Variants in ADK observed in about 807,000 individuals in gnomAD.
ADK encodes adenosine kinase.
A neutral mutation model predicts 44.7 loss-of-function variants in ADK; 24 were observed. That is an observed-to-expected ratio of 0.54 (90% confidence interval 0.39 to 0.76). The LOEUF (loss-of-function observed/expected upper bound fraction) is 0.76. Ranked by LOEUF, ADK falls within the 30% of genes least tolerant of loss-of-function variation. The pLI is 0.00. For missense variants in ADK, 321 were observed against 425.1 expected, an observed-to-expected ratio of 0.76 and a Z score of 2.15; for synonymous variants, 128 against 142.6, an observed-to-expected ratio of 0.90 and a Z score of 0.73.
intron 3 of ADK, among the ~76,000 whole-genome samples, chr10:74,231,436 A>G (rs1196925885): frequency 6.6e-6 from 1 of 151,636 alleles, no homozygotes; most frequent in East Asian, 1.9e-4. Flanking sequence ...TTTTATCCTG[A>G]GCTATAAATG....
chr10:74,622,190 G>A (rs555914643), intron 9 of ADK, among the ~76,000 whole-genome samples: 4 of 152,140 alleles, frequency 2.6e-5, no homozygotes, highest in African/African-American at 7.2e-5. Flanking sequence ...TCCCAAACTC[G>A]AATTTTTGTC....
chr10:74,633,804 ACT>A (rs1456255544), intron 9 of ADK, among the ~76,000 whole-genome samples: 1 of 151,996 alleles, frequency 6.6e-6, no homozygotes, highest in Non-Finnish European at 1.5e-5. Flanking sequence ...TATTTTTATG[ACT>A]CTTTCTCTAG....
chr10:74,338,647 T>A (rs1841488552), intron 4 of ADK, among the ~76,000 whole-genome samples: 1 of 150,888 alleles, frequency 6.6e-6, no homozygotes, highest in African/African-American at 2.4e-5. Context: ...TCACACGAAG[T>A]AAAAAAAAAG....
At chr10:74,701,311 G>A (rs1374602032) in intron 10 of ADK, among the ~76,000 whole-genome samples, 1 of 152,184 alleles carries the variant, frequency 6.6e-6, no homozygotes, top group African/African-American at 2.4e-5. Flanking sequence ...AGTTATGGAT[G>A]TAAGTGTGTG....
At chr10:74,426,064 AATCCT>A (rs1844785620) in intron 6 of ADK, among the ~76,000 whole-genome samples, 2 of 152,284 alleles carry the variant, frequency 1.3e-5, no homozygotes, top group South Asian at 4.1e-4. Flanking sequence ...AAACACCCAT[AATCCT>A]ATCATATATG....
At chr10:74,700,444 C>A (rs1397800832) in intron 10 of ADK, among the ~76,000 whole-genome samples, 1 of 152,210 alleles carries the variant, frequency 6.6e-6, no homozygotes. Flanking sequence ...GATTTCACCA[C>A]GTTGGCCAGG....
intron 4 of ADK, among the ~76,000 whole-genome samples, chr10:74,386,109 A>G (rs1211430730): frequency 1.3e-5 from 2 of 152,142 alleles, no homozygotes; most frequent in Non-Finnish European, 2.9e-5. Flanking sequence ...CCTATAAGTT[A>G]TGTGATATAT....
At chr10:74,231,602 A>T in intron 3 of ADK, among the ~76,000 whole-genome samples, 1 of 150,270 alleles carries the variant, frequency 6.7e-6, no homozygotes, top group Admixed American at 6.6e-5. Flanking sequence ...AGTATCTGGG[A>T]CTACCACTGT....
chr10:74,192,520 C>T (rs1842987740), intron 1 of ADK, among the ~76,000 whole-genome samples: 13 of 150,442 alleles, frequency 8.6e-5, no homozygotes, highest in Admixed American at 8.6e-4. Context: ...GCCACTGCAC[C>T]TGGCCCATTT....
chr10:74,286,439 G>A (rs1234275127), intron 3 of ADK, among the ~76,000 whole-genome samples: 1 of 152,214 alleles, frequency 6.6e-6, no homozygotes, highest in Admixed American at 6.5e-5. Flanking sequence ...AAGGGCCCAG[G>A]CACATTCTAA....
At chr10:74,319,274 G>A (rs1460261386) in intron 4 of ADK, among the ~76,000 whole-genome samples, 1 of 152,174 alleles carries the variant, frequency 6.6e-6, no homozygotes, top group Non-Finnish European at 1.5e-5. Flanking sequence ...TCAGAGACTA[G>A]GTGGCTTAAA....
In ADK at chr10:74,177,945, A is replaced by ATATAT. The variant is rs10693309; in HGVS notation, c.66-22818_66-22817insATATT. On this transcript the variant is annotated intron_variant, in intron 1 of 10. Coordinates refer to ENST00000539909, the MANE Select transcript of ADK (RefSeq NM_006721.4). ...TAATTATATATATATATATATATAT[A>ATATAT]TTTTTTTTTTTTTGAGACAGAGTTT... 1.7e-3 allele frequency among the ~76,000 whole-genome samples: 190 copies of ATATAT among 108,964 alleles called. 1 individual carries two copies. The highest frequency in any genetic ancestry group is 0.016 in the East Asian group (69 of 4,374). 71.5% of individuals were successfully genotyped at this position (108,964 alleles called of 152,430 possible).
intron 1 of ADK, among the ~76,000 whole-genome samples, chr10:74,190,803 G>C (rs1352011902): frequency 2.0e-5 from 3 of 152,128 alleles, no homozygotes; most frequent in Non-Finnish European, 2.9e-5. Context: ...ATTGTGGTTT[G>C]CTGCTTTTCA....
chr10:74,698,234 A>G (rs1472254438), intron 10 of ADK, among the ~76,000 whole-genome samples: 1 of 150,580 alleles, frequency 6.6e-6, no homozygotes, highest in Non-Finnish European at 1.5e-5. Context: ...GAGAGAAGGA[A>G]CCAAAGTAAA....
intron 6 of ADK, among the ~76,000 whole-genome samples, chr10:74,418,149 G>A (rs1306665987): frequency 6.6e-6 from 1 of 152,048 alleles, no homozygotes; most frequent in East Asian, 1.9e-4. Flanking sequence ...TGGGAACATT[G>A]GCCTTTTGTA....
At chr10:74,656,974 C>T (rs1411009837) in intron 9 of ADK, among the ~76,000 whole-genome samples, 1 of 152,110 alleles carries the variant, frequency 6.6e-6, no homozygotes, top group Non-Finnish European at 1.5e-5. Flanking sequence ...ATCCTCCTGC[C>T]TCAGCCTCCT....
chr10:74,619,677 C>T (rs1852912039), intron 9 of ADK, among the ~76,000 whole-genome samples: 1 of 151,782 alleles, frequency 6.6e-6, no homozygotes, highest in Admixed American at 6.6e-5. Context: ...TTTTTAATTT[C>T]CACATAATAA....
At position 74,582,321 on chromosome 10, in the gene ADK, T is replaced by A. The variant is rs567698384; in HGVS notation, c.727-6961T>A. ...GTGAGACCCAATCTCAAAAAAAAAA[T>A]AAAAAATAAAAATGGAAATAAAATT... On this transcript the variant is annotated intron_variant, in intron 7 of 10. Transcript: ENST00000539909. Among the ~76,000 whole-genome samples the A allele has an allele frequency of 1.4e-3, 218 of 151,078 alleles. 1 individual carries two copies. Among genetic ancestry groups the A allele is most frequent in the African/African-American group, 4.6e-3 (188 of 40,906 alleles).
intron 3 of ADK, among the ~76,000 whole-genome samples, chr10:74,306,116 A>G (rs1007406939): frequency 2.0e-5 from 3 of 151,430 alleles, no homozygotes. Context: ...GTATTGTCCT[A>G]TAGGTCTGAG....
Sources: allele counts gnomAD v4.1 joint callset (sites outside exome capture counted in the v4.1 genomes callset), GRCh38; gene constraint gnomAD v4.1.1; transcripts MANE v1.5; gene names NCBI Gene and HGNC (gene_info 2026-07-23, HGNC 2026-07-21).